The following TNFRSF10A variants were observed in gnomAD, a reference collection of about 807,000 sequenced individuals.
TNFRSF10A encodes the protein tumor necrosis factor receptor superfamily member 10A.
Under a neutral mutation model 42.8 loss-of-function variants are expected in TNFRSF10A, and 44 were observed. That is an observed-to-expected ratio of 1.03 (90% CI 0.81 to 1.32). The LOEUF (loss-of-function observed/expected upper bound fraction) is 1.32, where lower values mean the gene tolerates loss of function less well. TNFRSF10A is among the 40% of genes most tolerant of loss of function. The pLI is 0.00. For synonymous variants in TNFRSF10A, 259 were observed against 234.2 expected, an observed-to-expected ratio of 1.11 and a Z score of -0.97; for missense variants, 680 against 602.0, an observed-to-expected ratio of 1.13 and a Z score of -1.36.
At position 23,213,603 on chromosome 8, in the gene TNFRSF10A, A is replaced by G. The variant is rs533401847; in HGVS notation, c.307-1391T>C. On this transcript the variant is annotated intron_variant, in intron 1 of 9. Coordinates refer to ENST00000221132, the MANE Select transcript of TNFRSF10A (RefSeq NM_003844.4). ...GCTGGGACTACAGGCGCCCGCCACC[A>G]TGCCCAGCTACGTTTTTTGTATTTT... Among the ~76,000 whole-genome samples, 344 of 75,558 alleles carry G rather than the reference A, an allele frequency of 4.6e-3. 5 individuals are homozygous for G. Among genetic ancestry groups the G allele is most frequent in the African/African-American group, 0.01 (323 of 31,032 alleles). The allele number at this position is 75,558 out of a possible 152,430, so 49.6% of individuals were successfully genotyped here.
At chr8:23,193,950 C>T (rs547691246) in intron 9 of TNFRSF10A, among the ~76,000 whole-genome samples, 1 of 152,146 alleles carries the variant, frequency 6.6e-6, no homozygotes, top group East Asian at 1.9e-4. Flanking sequence ...TTCTAAGCAG[C>T]ATTGGGCCTG....
intron 2 of TNFRSF10A, among the ~76,000 whole-genome samples, chr8:23,211,797 T>C (rs1257782582): frequency 2.0e-5 from 3 of 152,204 alleles, no homozygotes; most frequent in Non-Finnish European, 4.4e-5. Context: ...TTTCAACGAA[T>C]GGCAACTGGA....
chr8:23,202,846 G>A (rs550693857), intron 2 of TNFRSF10A, 85 bp from the exon 3 acceptor site: 9 of 878,504 alleles, frequency 1.0e-5, no homozygotes, highest in Admixed American at 7.2e-5. Context: ...TCTTCTTTTG[G>A]CCATCAGTAG....
At chr8:23,207,331 C>T in intron 2 of TNFRSF10A, 1 of 592,890 alleles carries the variant, frequency 1.7e-6, no homozygotes, top group Non-Finnish European at 3.2e-6. Context: ...TCCTGATTAC[C>T]ATGTCTTGGA....
Position 23,200,716 on chromosome 8 carries a change from C to T in TNFRSF10A, c.674G>A (p.Ser225Asn). 1 of 1,613,962 alleles carries T rather than the reference C, an allele frequency of 6.2e-7. No homozygotes were observed. Among genetic ancestry groups the T allele is most frequent in the East Asian group, 2.2e-5 (1 of 44,854 alleles). ...MVKVKDCTPWSDIECVHKESG... is the reference protein window; with the variant it reads ...MVKVKDCTPWNDIECVHKESG... ...TTCTTTGTGGACACACTCGATGTCA[C>T]TCCAGGGCGTACAATCCTTGACCTT... The change falls in exon 5 of 10, where the codon AGT (serine) becomes AAT (asparagine). Residue 225 changes from serine (S) to asparagine (N), a missense_variant. Transcript: ENST00000221132.
intron 2 of TNFRSF10A, among the ~76,000 whole-genome samples, chr8:23,210,298 A>C (rs1030270876): frequency 6.6e-6 from 1 of 152,214 alleles, no homozygotes; most frequent in Non-Finnish European, 1.5e-5. Context: ...GGACCTCATA[A>C]AGAAAGAAAA....
At chr8:23,217,753 G>A (rs956372145) in intron 1 of TNFRSF10A, among the ~76,000 whole-genome samples, 1 of 152,234 alleles carries the variant, frequency 6.6e-6, no homozygotes, top group Admixed American at 6.5e-5. Context: ...AGGGCATGTC[G>A]GCGCCTGGTA....
At chr8:23,209,423 T>C (rs952634716) in intron 2 of TNFRSF10A, among the ~76,000 whole-genome samples, 7 of 152,186 alleles carry the variant, frequency 4.6e-5, no homozygotes, top group African/African-American at 7.2e-5. Flanking sequence ...TGATAACTTA[T>C]ACACCGTGCA....
intron 9 of TNFRSF10A, among the ~76,000 whole-genome samples, chr8:23,192,723 T>C (rs967882083): frequency 2.0e-5 from 3 of 152,320 alleles, no homozygotes; most frequent in Non-Finnish European, 2.9e-5. Flanking sequence ...ACTGAATATG[T>C]GTAAAATATA....
intron 7 of TNFRSF10A, 145 bp from the exon 8 acceptor site, chr8:23,199,593 C>G (rs552269677): frequency 9.2e-7 from 1 of 1,082,766 alleles, no homozygotes; most frequent in East Asian, 2.6e-5. Flanking sequence ...GGACCTGCTG[C>G]TGGGGCCAGG....
chr8:23,194,927 C>T (rs971889112), intron 9 of TNFRSF10A, among the ~76,000 whole-genome samples: 16 of 152,084 alleles, frequency 1.1e-4, no homozygotes, highest in African/African-American at 2.9e-4. Flanking sequence ...CCAAGGCAGG[C>T]GAATGTCTAT....
chr8:23,204,507 C>T (rs1372349666), intron 2 of TNFRSF10A, among the ~76,000 whole-genome samples: 1 of 152,134 alleles, frequency 6.6e-6, no homozygotes, highest in Non-Finnish European at 1.5e-5. Context: ...CTAGAAAGAA[C>T]ATCAACAAGA....
At chr8:23,201,353 G>A (rs1260690631) in intron 4 of TNFRSF10A, among the ~76,000 whole-genome samples, 3 of 152,070 alleles carry the variant, frequency 2.0e-5, no homozygotes, top group Non-Finnish European at 2.9e-5. Context: ...TGATTTTTGC[G>A]GGCTGTGGGC....
In TNFRSF10A at chr8:23,213,434, CTCTTTTT is replaced by C. The variant is rs1355887624; in HGVS notation, c.307-1229_307-1223del. ...TTGCTGGTTTGGGCTTAGTTTGCTC[CTCTTTTT>C]TTTTTTTTTTTTTTTTTTTTTTTTG... On this transcript the variant is annotated intron_variant, in intron 1 of 9. Coordinates refer to ENST00000221132, the MANE Select transcript of TNFRSF10A (RefSeq NM_003844.4). Among the ~76,000 whole-genome samples the C allele has an allele frequency of 3.7e-4, 30 of 80,964 alleles. No homozygotes were observed. In the South Asian group the frequency reaches 4.5e-3, roughly 12 times the overall value. The allele number at this position is 80,964 out of a possible 152,430, so 53.1% of individuals were successfully genotyped here.
At position 23,200,568 on chromosome 8, in the gene TNFRSF10A, CA is replaced by C. The variant is rs779443963; in HGVS notation, c.735del (p.Val246Ter). The C allele has an allele frequency of 4.3e-6, 7 of 1,614,192 alleles. No homozygotes were observed. The East Asian group carries it at 1.3e-4, about 31-fold the overall frequency. On this transcript the variant is annotated frameshift_variant, in exon 6 of 10. Coordinates refer to ENST00000221132, the MANE Select transcript of TNFRSF10A (RefSeq NM_003844.4). LOFTEE classifies it high-confidence loss of function. Reference sequence around the variant, plus strand: ...AACAGCAACGGAACAACCAAAGTCACAACCAAAATCACCCATATATTATGTC... The same window carrying C: ...AACAGCAACGGAACAACCAAAGTCACACCAAAATCACCCATATATTATGTC... Reference protein sequence around the residue: ...GNGHNIWVILVVTLVVPLLLV... With the variant: ...GNGHNIWVILXVTLVVPLLLV...
intron 8 of TNFRSF10A, among the ~76,000 whole-genome samples, chr8:23,197,554 G>A (rs540896658): frequency 5.9e-5 from 9 of 152,204 alleles, no homozygotes; most frequent in South Asian, 2.1e-4. Context: ...GGACCATCTC[G>A]TTGCAGGAAA....
At chr8:23,197,408 G>T in intron 8 of TNFRSF10A, 2 of 597,572 alleles carry the variant, frequency 3.3e-6, no homozygotes, top group Non-Finnish European at 6.0e-6. Context: ...CACCCGGTCA[G>T]ATCAGTGGCA....
intron 1 of TNFRSF10A, among the ~76,000 whole-genome samples, chr8:23,219,241 G>C (rs1037069909): frequency 1.3e-5 from 2 of 152,026 alleles, no homozygotes; most frequent in Non-Finnish European, 2.9e-5. Flanking sequence ...GACATTCTCA[G>C]AGTAAAGTGC....
chr8:23,191,898 T>C lies in TNFRSF10A; in HGVS notation c.1203A>G (p.Thr401=), dbSNP rs1441778530. Residue 401 remains threonine, a synonymous_variant, in exon 10 of 10, where the codon ACA becomes ACG. Coordinates refer to ENST00000221132, the MANE Select transcript of TNFRSF10A (RefSeq NM_003844.4). The stretch of plus-strand genomic sequence containing the variant: ...CATACAAGGCATCCCCTGGGCCTGC[T>C]GTACCAGCTCTGACCACATCGATCT... ...KNEIDVVRAG[T]AGPGDALYAM... 4 of 1,614,072 alleles carry C rather than the reference T, an allele frequency of 2.5e-6. No individual in the cohort carries two copies. In the African/African-American group the frequency reaches 5.3e-5, roughly 22 times the overall value.
Sources: allele counts gnomAD v4.1 joint callset (sites outside exome capture counted in the v4.1 genomes callset), GRCh38; gene constraint gnomAD v4.1.1; transcripts MANE v1.5; gene names NCBI Gene and HGNC (gene_info 2026-07-23, HGNC 2026-07-21).